The following GNPTG variants were observed in gnomAD, a reference collection of about 807,000 sequenced individuals.
GNPTG encodes N-acetylglucosamine-1-phosphotransferase subunit gamma.
A neutral mutation model predicts 43.8 loss-of-function variants in GNPTG; 46 were observed. The ratio of observed to expected loss-of-function variants is 1.05; its 90% confidence interval spans 0.83 to 1.34. The LOEUF (loss-of-function observed/expected upper bound fraction) is 1.34. Among genes scored for constraint, GNPTG ranks in the 40% most tolerant of loss-of-function variants. The pLI, the probability that GNPTG is intolerant of heterozygous loss-of-function variation, is 0.00. For synonymous variants in GNPTG, 250 were observed against 172.8 expected (o/e 1.45, Z -3.50); for missense variants, 549 against 411.3 (o/e 1.33, Z -2.90).
rs1172275341 is a variant in GNPTG, at chr16:1,362,474, C to T, written c.549C>T (p.Ala183=). The change falls in exon 8 of 11, where the codon GCC becomes GCT. Residue 183 remains alanine (A), a synonymous_variant. Transcript: ENST00000204679. ...CAGTGTACCCAACCCTGCCAGAGGCCCTGCAGCGGCAGTGGGACCAGGTAG... is the reference window on the plus strand; with the variant it reads ...CAGTGTACCCAACCCTGCCAGAGGCTCTGCAGCGGCAGTGGGACCAGGTAG... ...ALLVYPTLPE[A]LQRQWDQVEQ... is the part of the protein sequence containing the mutation. 1 of 1,613,940 alleles carries T rather than the reference C, an allele frequency of 6.2e-7. No individual in the cohort carries two copies. Among genetic ancestry groups the T allele is most frequent in the African/African-American group, 1.3e-5 (1 of 74,916 alleles).
Position 1,361,857 on chromosome 16 carries a change from C to T in GNPTG, c.234-15C>T. 1.9e-6 allele frequency: 3 copies of T among 1,613,968 alleles called. No individual in the cohort carries two copies. The highest frequency in any genetic ancestry group is 2.5e-6 in the Non-Finnish European group (3 of 1,180,014). ...CGCAGCCTGCGGACCCCCCTCATGC[C>T]ATCTGTGTCCCCAGGTACAAGTATG... On this transcript the variant is annotated splice_polypyrimidine_tract_variant and intron_variant, in intron 4 of 10. Transcript: ENST00000204679.
In GNPTG at chr16:1,362,229, C is replaced by G; in HGVS notation, c.435C>G (p.Ser145Arg). Residue 145 changes from serine (S) to arginine (R), a missense_variant, in exon 7 of 11, where the codon AGC (serine) becomes AGG (arginine). Ser to Arg is a moderately radical substitution (Grantham distance 110). Coordinates refer to ENST00000204679, the MANE Select transcript of GNPTG (RefSeq NM_032520.5). The stretch of plus-strand genomic sequence containing the variant: ...AGGTGGAGCTGGCGTGTGGAAAAAG[C>G]AACCGGCTGGCCCATGTGTCCGAGC... ...QSKVELACGK[S>R]NRLAHVSEPS... The G allele has an allele frequency of 3.1e-6, 5 of 1,613,622 alleles. No individual in the cohort carries two copies. The highest frequency in any genetic ancestry group is 4.2e-6 in the Non-Finnish European group (5 of 1,179,954).
rs938858489 is a variant in GNPTG at position 1,363,178 on chromosome 16, G to C, written c.*87G>C. 4 of 1,153,242 alleles carry C rather than the reference G, an allele frequency of 3.5e-6. No individual in the cohort carries two copies. The highest frequency in any genetic ancestry group is 5.1e-6 in the Non-Finnish European group (4 of 783,264). 71.4% of individuals were successfully genotyped at this position (1,153,242 alleles called of 1,614,324 possible). On this transcript the variant is annotated 3_prime_UTR_variant, in exon 11 of 11. Coordinates refer to ENST00000204679, the MANE Select transcript of GNPTG (RefSeq NM_032520.5). The stretch of plus-strand genomic sequence containing the variant: ...GGACCCGCAGGGACCAGCTGACCAG[G>C]CTTGTGCTCAGAGAAGCAGACAAAA...
chr16:1,361,640 T>C, intron 3 of GNPTG, 103 bp from the exon 4 acceptor site: 2 of 1,230,966 alleles, frequency 1.6e-6, no homozygotes, highest in Admixed American at 3.8e-5. Context: ...TGAGACTCCA[T>C]CTCAAAAAAA....
chr16:1,352,191 G>A (rs753083772), intron 2 of GNPTG, 32 bp downstream of exon 2: 2 of 1,555,910 alleles, frequency 1.3e-6, no homozygotes, highest in Admixed American at 1.9e-5. Context: ...CGGCTCGAGC[G>A]GGGGACGGCC....
intron 3 of GNPTG, among the ~76,000 whole-genome samples, chr16:1,353,006 G>A (rs1437568754): frequency 7.6e-6 from 1 of 130,868 alleles, no homozygotes; most frequent in Non-Finnish European, 1.5e-5. Flanking sequence ...GTCTCGCTCT[G>A]TCGCCCAGGC....
At position 1,355,276 on chromosome 16, in the gene GNPTG, C is replaced by T. The variant is rs546271766; in HGVS notation, c.178+2970C>T. Among the ~76,000 whole-genome samples, 4 of 152,280 alleles carry T rather than the reference C, an allele frequency of 2.6e-5. No homozygotes were observed. In the South Asian group the frequency reaches 6.2e-4, roughly 24 times the overall value. On this transcript the variant is annotated intron_variant, in intron 3 of 10. Transcript: ENST00000204679. Reference sequence around the variant, plus strand: ...CTTGTTTTTTCTGTCTTTGATGTAGCGCTCCTTCAACATCAACGTGTGAGG... The same window carrying T: ...CTTGTTTTTTCTGTCTTTGATGTAGTGCTCCTTCAACATCAACGTGTGAGG...
Position 1,362,086 on chromosome 16 carries a change from G to T in GNPTG, c.366G>T (p.Trp122Cys). The T allele has an allele frequency of 6.2e-7, 1 of 1,612,076 alleles. No individual in the cohort carries two copies. Among genetic ancestry groups the T allele is most frequent in the Admixed American group, 1.7e-5 (1 of 59,900 alleles). Residue 122 changes from tryptophan (W) to cysteine (C), a missense_variant, in exon 6 of 11, where the codon TGG (tryptophan) becomes TGT (cysteine). Physicochemically the swap from Trp to Cys is radical, Grantham distance 215. Coordinates refer to ENST00000204679, the MANE Select transcript of GNPTG (RefSeq NM_032520.5). ...EIANNTFTGM[W>C]MRDGDACRSR... ...CCAACAACACCTTCACGGGCATGTG[G>T]ATGAGGGACGGTGACGCCTGCCGTT...
Position 1,362,606 on chromosome 16 carries a change from T to G in GNPTG, c.610-5T>G. The G allele has an allele frequency of 6.2e-7, 1 of 1,614,180 alleles. No individual in the cohort carries two copies. The highest frequency in any genetic ancestry group is 2.2e-5 in the East Asian group (1 of 44,866). Reference sequence around the variant, plus strand: ...GGGTGCTGCCCCTGCATCCTCCACCTTCAGGGCCATGAGAAGTTGCTGAGG... The same window carrying G: ...GGGTGCTGCCCCTGCATCCTCCACCGTCAGGGCCATGAGAAGTTGCTGAGG... On this transcript the variant is annotated splice_polypyrimidine_tract_variant and splice_region_variant and intron_variant, in intron 8 of 10. Coordinates refer to ENST00000204679, the MANE Select transcript of GNPTG (RefSeq NM_032520.5).
chr16:1,360,295 C>T (rs529101129), intron 3 of GNPTG, among the ~76,000 whole-genome samples: 2 of 152,242 alleles, frequency 1.3e-5, no homozygotes, highest in East Asian at 1.9e-4. Context: ...TTTTCCATAC[C>T]TTCACTTTCA....
In GNPTG at chr16:1,362,913, C is replaced by T. The variant is rs2141865747; in HGVS notation, c.823+7C>T. ...CCCTACACGAGGCCCACAGGTGAGT[C>T]ACCTGTGGGGAGAGGGCCAGGCTCA... On this transcript the variant is annotated splice_region_variant and intron_variant, in intron 10 of 10. Coordinates refer to ENST00000204679, the MANE Select transcript of GNPTG (RefSeq NM_032520.5). The T allele has an allele frequency of 6.2e-7, 1 of 1,614,070 alleles. No individual in the cohort carries two copies. The highest frequency in any genetic ancestry group is 8.5e-7 in the Non-Finnish European group (1 of 1,179,984).
chr16:1,354,460 C>T (rs1012878610), intron 3 of GNPTG, among the ~76,000 whole-genome samples: 2 of 151,804 alleles, frequency 1.3e-5, no homozygotes, highest in Non-Finnish European at 2.9e-5. Flanking sequence ...GTGGTATCCT[C>T]CTGTAATCCC....
chr16:1,357,379 C>A (rs183641606), intron 3 of GNPTG, among the ~76,000 whole-genome samples: 1 of 152,094 alleles, frequency 6.6e-6, no homozygotes, highest in African/African-American at 2.4e-5. Context: ...CTCTGCCCTC[C>A]GGGGGCGGGG....
chr16:1,363,406 C>T lies in GNPTG; in HGVS notation c.*315C>T. On this transcript the variant is annotated 3_prime_UTR_variant, in exon 11 of 11. Transcript: ENST00000204679. ...TAACATTCTCATGTAAATACTCAAA[C>T]ATACAGATTGAGGCTTCCAGAAATT... 1 of 382,122 alleles carries T rather than the reference C, an allele frequency of 2.6e-6. No homozygotes were observed. Among genetic ancestry groups the T allele is most frequent in the Non-Finnish European group, 5.0e-6 (1 of 200,398 alleles). 23.7% of individuals were successfully genotyped at this position (382,122 alleles called of 1,614,324 possible).
intron 3 of GNPTG, among the ~76,000 whole-genome samples, chr16:1,353,835 A>G (rs2034726492): frequency 6.6e-6 from 1 of 152,238 alleles, no homozygotes; most frequent in Non-Finnish European, 1.5e-5. Context: ...CATTTCAGCC[A>G]AAAGCTAAAG....
At chr16:1,355,728 G>A (rs546158206) in intron 3 of GNPTG, among the ~76,000 whole-genome samples, 1 of 151,872 alleles carries the variant, frequency 6.6e-6, no homozygotes, top group Non-Finnish European at 1.5e-5. Context: ...GGCCAGCTGG[G>A]CAGGACTCTG....
chr16:1,353,159 G>A (rs911249569), intron 3 of GNPTG, among the ~76,000 whole-genome samples: 1 of 152,086 alleles, frequency 6.6e-6, no homozygotes, highest in African/African-American at 2.4e-5. Flanking sequence ...TTTTAGTAGA[G>A]ATAGGGTTTA....
chr16:1,354,609 A>AAAAAAAC (rs2034742092), intron 3 of GNPTG, among the ~76,000 whole-genome samples: 1 of 145,040 alleles, frequency 6.9e-6, no homozygotes, highest in Non-Finnish European at 1.5e-5. Flanking sequence ...AAAAAAAAAA[A>AAAAAAAC]CCCATAAAAA....
At chr16:1,355,734 C>T (rs2034763884) in intron 3 of GNPTG, among the ~76,000 whole-genome samples, 1 of 150,534 alleles carries the variant, frequency 6.6e-6, no homozygotes, top group South Asian at 2.1e-4. Context: ...CTGGGCAGGA[C>T]TCTGGGGCCT....
Sources: gnomAD v4.1 joint callset for allele counts (sites outside exome capture counted in the v4.1 genomes callset) on GRCh38, gnomAD v4.1.1 for gene constraint, MANE v1.5 for transcripts, NCBI Gene and HGNC (gene_info 2026-07-23, HGNC 2026-07-21) for gene names.